Variants in CHN2 observed in about 807,000 individuals in gnomAD.
CHN2 encodes chimerin 2.
CHN2 carries 35 observed loss-of-function variants against 56.3 expected under a neutral mutation model. The observed-to-expected ratio is 0.62, with a 90% CI of 0.47 to 0.82. The LOEUF is 0.82. Among genes scored for constraint, CHN2 ranks in the 40% least tolerant of loss-of-function variants. The pLI, the probability that CHN2 is intolerant of heterozygous loss-of-function variation, is 0.00. For synonymous variants in CHN2, 210 were observed against 212.8 expected, an observed-to-expected ratio of 0.99 and a Z score of 0.12; for missense variants, 491 against 580.5, an observed-to-expected ratio of 0.85 and a Z score of 1.58.
chr7:29,329,854 A>G (rs1368310685), intron 1 of CHN2, among the ~76,000 whole-genome samples: 1 of 152,232 alleles, frequency 6.6e-6, no homozygotes, highest in Non-Finnish European at 1.5e-5. Context: ...GGCTTTTCAG[A>G]GAAGAAATAT....
At chr7:29,248,585 G>A (rs753448398) in intron 1 of CHN2, among the ~76,000 whole-genome samples, 1 of 152,148 alleles carries the variant, frequency 6.6e-6, no homozygotes, top group Admixed American at 6.5e-5. Flanking sequence ...TCGTGTCATC[G>A]CACTATCCGC....
chr7:29,302,840 A>G (rs1793805683), intron 1 of CHN2, among the ~76,000 whole-genome samples: 2 of 152,186 alleles, frequency 1.3e-5, no homozygotes, highest in Non-Finnish European at 2.9e-5. Flanking sequence ...ACCTCATATA[A>G]GTAGAATCAT....
At chr7:29,490,808 G>A (rs1218114590) in intron 7 of CHN2, among the ~76,000 whole-genome samples, 1 of 152,080 alleles carries the variant, frequency 6.6e-6, no homozygotes, top group African/African-American at 2.4e-5. Flanking sequence ...TGGTATGTAT[G>A]GTATCAGTTT....
At chr7:29,341,563 G>A (rs563578555) in intron 1 of CHN2, among the ~76,000 whole-genome samples, 2 of 151,842 alleles carry the variant, frequency 1.3e-5, no homozygotes, top group Non-Finnish European at 2.9e-5. Flanking sequence ...GGATCCTTGA[G>A]GAAGAACAGG....
At chr7:29,335,582 C>T (rs974580923) in intron 1 of CHN2, 6 of 152,240 alleles carry the variant, frequency 3.9e-5, no homozygotes, top group Admixed American at 2.0e-4. Context: ...TTTTGACAGC[C>T]AGATCCTCAC....
intron 6 of CHN2, among the ~76,000 whole-genome samples, chr7:29,468,799 C>A (rs550702102): frequency 6.6e-6 from 1 of 152,160 alleles, no homozygotes; most frequent in East Asian, 1.9e-4. Flanking sequence ...ATCCTGTGAG[C>A]GTTAGCTTTC....
chr7:29,452,513 T>G lies in CHN2; in HGVS notation c.577-27766T>G, dbSNP rs570717908. ...TGCAGACACCTGCAGTACAGTATTC[T>G]CCTGCTTCCTTTGCCTCTGCGTGCC... On this transcript the variant is annotated intron_variant, in intron 6 of 12. Transcript: ENST00000222792. Among the ~76,000 whole-genome samples the G allele has an allele frequency of 6.6e-5, 10 of 152,360 alleles. No homozygotes were observed. The South Asian group carries it at 1.2e-3, about 19-fold the overall frequency.
rs566931387 is a variant in CHN2 at position 29,280,170 on chromosome 7, G to A, written c.50-74455G>A. On this transcript the variant is annotated intron_variant, in intron 1 of 12. Transcript: ENST00000222792. ...AGGCTGAGGCGGGTGGATCACCTGA[G>A]GTCATGAGTTTGAGACCAGCCTGGC... 2.0e-5 allele frequency among the ~76,000 whole-genome samples: 3 copies of A among 152,164 alleles called. No individual in the cohort carries two copies. In the South Asian group the frequency reaches 6.2e-4, roughly 32 times the overall value.
In CHN2 at chr7:29,189,301, T is replaced by C. The variant is rs1464113786; in HGVS notation, c.274+42341T>C. Among the ~76,000 whole-genome samples the C allele has an allele frequency of 2.0e-5, 3 of 152,154 alleles. No individual in the cohort carries two copies. In the East Asian group the frequency reaches 5.8e-4, roughly 29 times the overall value. On this transcript the variant is annotated intron_variant, in intron 2 of 6. Transcript: ENST00000439384. Reference sequence around the variant, plus strand: ...CAGGCCTCGTATACTCCCTGGCACATAATGAGTGTTTAGTCAACATGACTG... The same window carrying C: ...CAGGCCTCGTATACTCCCTGGCACACAATGAGTGTTTAGTCAACATGACTG...
chr7:29,456,427 G>GT (rs1562621331), intron 6 of CHN2, among the ~76,000 whole-genome samples: 39 of 152,280 alleles, frequency 2.6e-4, no homozygotes, highest in Admixed American at 4.6e-4. Context: ...GAGAGAGGGG[G>GT]ACAGAAGAAG....
intron 1 of CHN2, among the ~76,000 whole-genome samples, chr7:29,328,062 TC>T (rs1409627381): frequency 6.6e-6 from 1 of 152,190 alleles, no homozygotes; most frequent in African/African-American, 2.4e-5. Flanking sequence ...ATAGTTAGTG[TC>T]CATGAAAATG....
At chr7:29,337,607 C>G (rs1316541991) in intron 1 of CHN2, among the ~76,000 whole-genome samples, 1 of 152,242 alleles carries the variant, frequency 6.6e-6, no homozygotes, top group Non-Finnish European at 1.5e-5. Context: ...GATGCTGTCA[C>G]CCAGGCTGCC....
chr7:29,292,881 C>T (rs1792751349), intron 1 of CHN2: 2 of 456,130 alleles, frequency 4.4e-6, no homozygotes, highest in Non-Finnish European at 8.8e-6. Context: ...TCACGGATTA[C>T]AATAACCTCT....
chr7:29,419,453 A>C lies in CHN2; in HGVS notation c.576+18625A>C, dbSNP rs1804107865. Among the ~76,000 whole-genome samples, 4 of 152,348 alleles carry C rather than the reference A, an allele frequency of 2.6e-5. No homozygotes were observed. The South Asian group carries it at 8.3e-4, about 32-fold the overall frequency. On this transcript the variant is annotated intron_variant, in intron 6 of 12. Coordinates refer to ENST00000222792, the MANE Select transcript of CHN2 (RefSeq NM_004067.4). The stretch of plus-strand genomic sequence containing the variant: ...ATTTCTTGGATGTGACACCAAGAGC[A>C]CAGGCAACAAAAGCACATATAGACA...
At chr7:29,425,052 A>G (rs1051630457) in intron 6 of CHN2, among the ~76,000 whole-genome samples, 1 of 152,194 alleles carries the variant, frequency 6.6e-6, no homozygotes. Flanking sequence ...CACACTGTTG[A>G]TTGTGATGTG....
intron 2 of CHN2, 148 bp downstream of exon 2, chr7:29,354,811 G>C: frequency 2.9e-6 from 2 of 693,652 alleles, no homozygotes; most frequent in Admixed American, 5.4e-5. Context: ...AAAAAGATTA[G>C]TCAGAGACGA....
intron 6 of CHN2, among the ~76,000 whole-genome samples, chr7:29,458,696 A>AT (rs1784944167): frequency 6.6e-6 from 1 of 152,224 alleles, no homozygotes; most frequent in Non-Finnish European, 1.5e-5. Flanking sequence ...CCAAGTGTGT[A>AT]TGTAATAAGC....
At chr7:29,195,645 TGTGTGAGA>T (rs745933632) in intron 1 of CHN2, among the ~76,000 whole-genome samples, 1 of 129,042 alleles carries the variant, frequency 7.7e-6, no homozygotes, top group African/African-American at 3.1e-5. Flanking sequence ...TGTGTGTGTG[TGTGTGAGA>T]GAGAGAGAGA....
chr7:29,231,477 C>A (rs1786705601), intron 1 of CHN2, among the ~76,000 whole-genome samples: 1 of 152,196 alleles, frequency 6.6e-6, no homozygotes, highest in African/African-American at 2.4e-5. Context: ...ACCTTGTGTG[C>A]TGTGCCATTT....
Sources: allele counts gnomAD v4.1 joint callset (sites outside exome capture counted in the v4.1 genomes callset), GRCh38; gene constraint gnomAD v4.1.1; transcripts MANE v1.5; gene names NCBI Gene and HGNC (gene_info 2026-07-23, HGNC 2026-07-21).